Variants in LGR5 observed in about 807,000 individuals in gnomAD.
LGR5 encodes leucine rich repeat containing G protein-coupled receptor 5.
In LGR5, 54 loss-of-function variants were observed where a neutral mutation model predicts 76.7. The ratio of observed to expected loss-of-function variants is 0.70; its 90% CI spans 0.57 to 0.88. The LOEUF (loss-of-function observed/expected upper bound fraction) is 0.88. Ranked by LOEUF, LGR5 falls within the 40% of genes least tolerant of loss-of-function variation. The pLI is 0.00. For synonymous variants in LGR5, 406 were observed against 421.9 expected, an observed-to-expected ratio of 0.96 and a Z score of 0.46; for missense variants, 1,078 against 1,073.3, an observed-to-expected ratio of 1.00 and a Z score of -0.06.
intron 1 of LGR5, among the ~76,000 whole-genome samples, chr12:71,448,104 C>CAT (rs1234287411): frequency 6.6e-6 from 1 of 151,886 alleles, no homozygotes; most frequent in African/African-American, 2.4e-5. Context: ...CACACACACA[C>CAT]ACACACACAA....
chr12:71,441,909 T>A (rs1013144899), intron 1 of LGR5: 2 of 152,134 alleles, frequency 1.3e-5, no homozygotes, highest in African/African-American at 2.4e-5. Context: ...AGAATACTCA[T>A]CCCCAACCAC....
chr12:71,524,379 C>T, intron 2 of LGR5, 27 bp from the exon 3 acceptor site: 1 of 1,558,138 alleles, frequency 6.4e-7, no homozygotes, highest in African/African-American at 1.4e-5. Flanking sequence ...TATGCTCACT[C>T]TCTCTCCTCT....
At chr12:71,581,607 C>T (rs1325401162) in intron 16 of LGR5, among the ~76,000 whole-genome samples, 3 of 152,252 alleles carry the variant, frequency 2.0e-5, no homozygotes, top group Admixed American at 6.5e-5. Flanking sequence ...TAGGCCACAG[C>T]ATGTGTCTTG....
chr12:71,535,156 C>A lies in LGR5; in HGVS notation c.398C>A (p.Ala133Asp). 1 of 1,611,864 alleles carries A rather than the reference C, an allele frequency of 6.2e-7. No individual in the cohort carries two copies. The highest frequency in any genetic ancestry group is 1.3e-5 in the African/African-American group (1 of 74,984). The change falls in exon 4 of 18, where the codon GCT becomes GAT. Residue 133 changes from alanine (A) to aspartate (D), a missense_variant. Transcript: ENST00000266674. ...CAGCTAAGACACGTACCCACAGAAG[C>A]TCTGCAGAATTTGCGAAGCCTTCAA... ...NNQLRHVPTE[A>D]LQNLRSLQSL...
chr12:71,582,620 T>A, intron 17 of LGR5, 81 bp downstream of exon 17: 1 of 1,083,822 alleles, frequency 9.2e-7, no homozygotes, highest in Non-Finnish European at 1.4e-6. Flanking sequence ...AGCTATACTT[T>A]AAAAGCCGAA....
At chr12:71,475,917 T>C (rs1247857441) in intron 1 of LGR5, among the ~76,000 whole-genome samples, 1 of 152,206 alleles carries the variant, frequency 6.6e-6, no homozygotes, top group East Asian at 1.9e-4. Context: ...CTTTATTCTA[T>C]ACATCCTTTC....
At chr12:71,508,894 C>T (rs1380288139) in intron 2 of LGR5, among the ~76,000 whole-genome samples, 2 of 151,916 alleles carry the variant, frequency 1.3e-5, no homozygotes, top group South Asian at 2.1e-4. Flanking sequence ...CTACCTATGC[C>T]GCAAGTTTTT....
rs987264877 is a variant in LGR5, at chr12:71,550,169, A to T, written c.429-2904A>T. Reference sequence around the variant, plus strand: ...TCATTTTCAAGACTTTTATTTTTTTATTTTTTTTTTATTTTCTGTTGGCCA... The same window carrying T: ...TCATTTTCAAGACTTTTATTTTTTTTTTTTTTTTTTATTTTCTGTTGGCCA... On this transcript the variant is annotated intron_variant, in intron 4 of 17. Transcript: ENST00000266674. 9.4e-5 allele frequency among the ~76,000 whole-genome samples: 14 copies of T among 149,612 alleles called. No individual in the cohort carries two copies. The East Asian group carries it at 1.4e-3, about 15-fold the overall frequency.
chr12:71,465,432 T>C (rs1164996052), intron 1 of LGR5, among the ~76,000 whole-genome samples: 1 of 152,196 alleles, frequency 6.6e-6, no homozygotes, highest in Non-Finnish European at 1.5e-5. Flanking sequence ...TCCTTTAACT[T>C]TCTAGTTAGT....
chr12:71,445,649 G>A (rs1054820053), intron 1 of LGR5, among the ~76,000 whole-genome samples: 1 of 152,144 alleles, frequency 6.6e-6, no homozygotes, highest in Non-Finnish European at 1.5e-5. Context: ...AAAATCTGTG[G>A]CATTTTTCTG....
At chr12:71,444,506 G>A (rs1343024783) in intron 1 of LGR5, among the ~76,000 whole-genome samples, 1 of 152,050 alleles carries the variant, frequency 6.6e-6, no homozygotes, top group African/African-American at 2.4e-5. Context: ...ACATATGCAT[G>A]GCAGAGTTGG....
chr12:71,448,084 AAC>A (rs35911721), intron 1 of LGR5, among the ~76,000 whole-genome samples: 11,862 of 145,246 alleles, frequency 0.082, 569 homozygotes, highest in African/African-American at 0.15. Context: ...CACACACACA[AAC>A]ACACACACAC....
chr12:71,489,032 C>T (rs2137275263), intron 1 of LGR5, among the ~76,000 whole-genome samples: 1 of 152,206 alleles, frequency 6.6e-6, no homozygotes, highest in South Asian at 2.1e-4. Flanking sequence ...AAGGGAAAGC[C>T]TTAATCCATT....
At chr12:71,553,380 G>A (rs561795074) in intron 5 of LGR5, 92 bp downstream of exon 5, 2 of 1,092,824 alleles carry the variant, frequency 1.8e-6, no homozygotes, top group African/African-American at 3.1e-5. Flanking sequence ...AGCTCAAATG[G>A]GGACATTTTA....
chr12:71,549,643 A>T (rs904615354), intron 4 of LGR5, among the ~76,000 whole-genome samples: 1 of 152,216 alleles, frequency 6.6e-6, no homozygotes, highest in African/African-American at 2.4e-5. Context: ...GAGTGTGAAC[A>T]ATATACCTGA....
At chr12:71,568,524 A>G (rs1878455949) in intron 11 of LGR5, among the ~76,000 whole-genome samples, 1 of 152,188 alleles carries the variant, frequency 6.6e-6, no homozygotes, top group Non-Finnish European at 1.5e-5. Flanking sequence ...TTGGAACTTG[A>G]AAAGCCGGGA....
intron 1 of LGR5, among the ~76,000 whole-genome samples, chr12:71,500,606 T>TTTTA (rs1175425161): frequency 1.6e-4 from 24 of 151,978 alleles, no homozygotes; most frequent in Non-Finnish European, 2.6e-4. Context: ...TCTAGCTAAT[T>TTTTA]TTTATTTATT....
rs145460725 is a variant in LGR5 at position 71,530,452 on chromosome 12, A to C, written c.357-4663A>C. Among the ~76,000 whole-genome samples the C allele has an allele frequency of 1.1e-4, 16 of 152,350 alleles. No individual in the cohort carries two copies. The East Asian group carries it at 3.1e-3, about 29-fold the overall frequency. On this transcript the variant is annotated intron_variant, in intron 3 of 17. Coordinates refer to ENST00000266674, the MANE Select transcript of LGR5 (RefSeq NM_003667.4). Reference sequence around the variant, plus strand: ...CCTGAGTAAGGATGGTAAAGAGGGCATATGGACAAAGAAGAGAAAAATAAT... The same window carrying C: ...CCTGAGTAAGGATGGTAAAGAGGGCCTATGGACAAAGAAGAGAAAAATAAT...
At chr12:71,479,529 A>G (rs1055330959) in intron 1 of LGR5, among the ~76,000 whole-genome samples, 8 of 152,204 alleles carry the variant, frequency 5.3e-5, no homozygotes, top group African/African-American at 1.9e-4. Flanking sequence ...TGTGACCACA[A>G]ACTTTTCTAA....
Sources: gnomAD v4.1 joint callset for allele counts (sites outside exome capture counted in the v4.1 genomes callset) on GRCh38, gnomAD v4.1.1 for gene constraint, MANE v1.5 for transcripts, NCBI Gene and HGNC (gene_info 2026-07-23, HGNC 2026-07-21) for gene names.